Variants in CHRM3 observed in about 807,000 individuals in gnomAD.
CHRM3 encodes muscarinic acetylcholine receptor M3.
A neutral mutation model predicts 41.8 loss-of-function variants in CHRM3; 11 were observed. That is an observed-to-expected ratio of 0.26 (90% CI 0.17 to 0.44). The LOEUF is 0.44. Among genes scored for constraint, CHRM3 ranks in the 20% least tolerant of loss-of-function variants. CHRM3 has a pLI of 1.00. For missense variants in CHRM3, 571 were observed against 745.4 expected (o/e 0.77, Z 2.72); for synonymous variants, 297 against 301.4 (o/e 0.99, Z 0.15).
intron 1 of CHRM3, among the ~76,000 whole-genome samples, chr1:239,456,993 G>A (rs1664990759): frequency 6.6e-6 from 1 of 152,160 alleles, no homozygotes; most frequent in Non-Finnish European, 1.5e-5. Context: ...TTGTGGTCAG[G>A]TGTCTTAAGC....
chr1:239,759,978 G>A (rs574195542), intron 5 of CHRM3, among the ~76,000 whole-genome samples: 127 of 151,914 alleles, frequency 8.4e-4, no homozygotes, highest in Admixed American at 1.2e-3. Flanking sequence ...GCAGTGGCGC[G>A]ATCTAGACTC....
chr1:239,434,845 C>T (rs1359733628), intron 1 of CHRM3, among the ~76,000 whole-genome samples: 3 of 152,076 alleles, frequency 2.0e-5, no homozygotes, highest in African/African-American at 4.8e-5. Context: ...AATTGTAATA[C>T]TTTGAAAGGA....
At chr1:239,407,417 T>TATATATATATATAGAGAGAGAGAGAG in intron 1 of CHRM3, among the ~76,000 whole-genome samples, 3 of 134,124 alleles carry the variant, frequency 2.2e-5, no homozygotes, top group Non-Finnish European at 3.4e-5. Context: ...TATATATATA[T>TATATATATATATAGAGAGAGAGAGAG]AGAGAGAGAG....
At chr1:239,733,458 T>C (rs1022768690) in intron 5 of CHRM3, among the ~76,000 whole-genome samples, 1 of 152,052 alleles carries the variant, frequency 6.6e-6, no homozygotes, top group Admixed American at 6.6e-5. Flanking sequence ...TCTGTAGATA[T>C]ATACCTGACA....
chr1:239,652,583 T>G (rs1672334325), intron 4 of CHRM3, among the ~76,000 whole-genome samples: 3 of 152,130 alleles, frequency 2.0e-5, no homozygotes, highest in Admixed American at 2.0e-4. Context: ...GGAAGAAGCG[T>G]TGTTGGTGTG....
At chr1:239,462,329 A>G (rs1388393099) in intron 1 of CHRM3, among the ~76,000 whole-genome samples, 1 of 149,806 alleles carries the variant, frequency 6.7e-6, no homozygotes, top group Non-Finnish European at 1.5e-5. Flanking sequence ...CAGGTTAGTC[A>G]TATCCACGAG....
At chr1:239,713,516 A>G (rs923862231) in intron 5 of CHRM3, among the ~76,000 whole-genome samples, 21 of 152,334 alleles carry the variant, frequency 1.4e-4, no homozygotes, top group African/African-American at 5.0e-4. Context: ...TGCAACTGTA[A>G]TCTTATTCTG....
At position 239,876,302 on chromosome 1, in the gene CHRM3, G is replaced by T. The variant is rs1477790869; in HGVS notation, c.-19-31131G>T. On this transcript the variant is annotated intron_variant, in intron 6 of 6. Transcript: ENST00000676153. ...TTTCTGAATATTAAATTATTGGTATGCATTTATTGTTAACACAACATTGCT... is the reference window on the plus strand; with the variant it reads ...TTTCTGAATATTAAATTATTGGTATTCATTTATTGTTAACACAACATTGCT... Among the ~76,000 whole-genome samples, 3 of 152,190 alleles carry T rather than the reference G, an allele frequency of 2.0e-5. No individual in the cohort carries two copies. The East Asian group carries it at 5.8e-4, about 29-fold the overall frequency.
chr1:239,889,322 C>G (rs570088464), intron 6 of CHRM3, among the ~76,000 whole-genome samples: 1 of 152,228 alleles, frequency 6.6e-6, no homozygotes, highest in South Asian at 2.1e-4. Flanking sequence ...GGTAGCCCCC[C>G]CTCTAATCTT....
At chr1:239,611,109 T>C (rs1436437714) in intron 3 of CHRM3, among the ~76,000 whole-genome samples, 1 of 152,012 alleles carries the variant, frequency 6.6e-6, no homozygotes, top group Non-Finnish European at 1.5e-5. Context: ...TAGCAACAAA[T>C]TATAAATCAT....
intron 1 of CHRM3, among the ~76,000 whole-genome samples, chr1:239,431,389 G>A (rs1054430227): frequency 1.3e-5 from 2 of 152,132 alleles, no homozygotes; most frequent in South Asian, 4.1e-4. Flanking sequence ...AATGCCTGAG[G>A]ATATAACTAC....
intron 5 of CHRM3, among the ~76,000 whole-genome samples, chr1:239,681,232 G>A (rs988725626): frequency 6.6e-6 from 1 of 152,164 alleles, no homozygotes; most frequent in Non-Finnish European, 1.5e-5. Flanking sequence ...CATTGTTTTA[G>A]CCACTGAAAT....
intron 3 of CHRM3, among the ~76,000 whole-genome samples, chr1:239,607,382 A>G (rs1398902613): frequency 6.6e-6 from 1 of 152,192 alleles, no homozygotes; most frequent in African/African-American, 2.4e-5. Context: ...AGAGTTGTCA[A>G]ATTCCCTTTT....
chr1:239,765,400 G>A (rs1218233831), intron 5 of CHRM3, among the ~76,000 whole-genome samples: 2 of 152,142 alleles, frequency 1.3e-5, no homozygotes, highest in Non-Finnish European at 2.9e-5. Context: ...GGTCAGGCCC[G>A]GTTAATGCTT....
chr1:239,492,523 A>G (rs1196671158), intron 1 of CHRM3, among the ~76,000 whole-genome samples, 186 bp from the exon 2 acceptor site: 1 of 152,232 alleles, frequency 6.6e-6, no homozygotes, highest in Non-Finnish European at 1.5e-5. Context: ...GGCGGGAAAC[A>G]GAGGAAAATG....
At chr1:239,470,967 C>T (rs1253990690) in intron 1 of CHRM3, among the ~76,000 whole-genome samples, 1 of 152,162 alleles carries the variant, frequency 6.6e-6, no homozygotes, top group African/African-American at 2.4e-5. Context: ...ATTACATTCA[C>T]TTCCTGCAAA....
chr1:239,805,642 G>GTT (rs1670576255), intron 5 of CHRM3, among the ~76,000 whole-genome samples: 1 of 152,060 alleles, frequency 6.6e-6, no homozygotes. Context: ...GTGTGTGTGT[G>GTT]TGTGTGTGTG....
chr1:239,675,083 C>T (rs1657853724), intron 4 of CHRM3, among the ~76,000 whole-genome samples: 1 of 152,084 alleles, frequency 6.6e-6, no homozygotes, highest in Non-Finnish European at 1.5e-5. Context: ...TAATAGGGGT[C>T]AATTATCAAT....
intron 3 of CHRM3, among the ~76,000 whole-genome samples, chr1:239,580,689 T>TATATATATATATATATATATATATATA (rs10525366): frequency 1.1e-4 from 7 of 65,150 alleles, no homozygotes; most frequent in Non-Finnish European, 2.4e-4. Context: ...TTGCCCAATT[T>TATATATATATATATATATATATATATA]TATATATATA....
Sources: allele counts gnomAD v4.1 joint callset (sites outside exome capture counted in the v4.1 genomes callset), GRCh38; gene constraint gnomAD v4.1.1; transcripts MANE v1.5; gene names NCBI Gene and HGNC (gene_info 2026-07-23, HGNC 2026-07-21).